The following FAN1 variants were observed in gnomAD, a reference collection of about 807,000 sequenced individuals.
FAN1 encodes fanconi-associated nuclease 1.
FAN1 carries 91 observed loss-of-function variants against 104.9 expected under a neutral mutation model. The ratio of observed to expected loss-of-function variants is 0.87; its 90% CI spans 0.73 to 1.03. The LOEUF (loss-of-function observed/expected upper bound fraction) is 1.03. FAN1 is among the 50% of genes least tolerant of loss of function. The pLI, the probability that FAN1 is intolerant of heterozygous loss-of-function variation, is 0.00. For synonymous variants in FAN1, 478 were observed against 457.6 expected, an observed-to-expected ratio of 1.04 and a Z score of -0.57; for missense variants, 1,263 against 1,239.9, an observed-to-expected ratio of 1.02 and a Z score of -0.28.
chr15:30,904,391 T>C, intron 1 of FAN1, 121 bp from the exon 2 acceptor site: 1 of 539,374 alleles, frequency 1.9e-6, no homozygotes. Context: ...TGGTCTTCTG[T>C]CTCACGCTCA....
intron 12 of FAN1, 24 bp from the exon 13 acceptor site, chr15:30,930,519 A>C (rs748760608): frequency 6.4e-7 from 1 of 1,570,210 alleles, no homozygotes; most frequent in Admixed American, 2.1e-5. Context: ...GGAAGTGGCT[A>C]ACTGTCCTGT....
intron 13 of FAN1, among the ~76,000 whole-genome samples, chr15:30,933,461 T>G (rs1448654730): frequency 3.9e-5 from 6 of 152,240 alleles, no homozygotes; most frequent in Non-Finnish European, 5.9e-5. Context: ...GATTTGTAAT[T>G]TAACTCCATT....
intron 14 of FAN1, chr15:30,940,308 C>G: frequency 1.0e-6 from 1 of 985,408 alleles, no homozygotes; most frequent in Non-Finnish European, 1.2e-6. Flanking sequence ...ATCAAGCAAA[C>G]AACTGTGTCT....
chr15:30,939,688 G>A (rs2140979279), intron 14 of FAN1: 1 of 960,508 alleles, frequency 1.0e-6, no homozygotes, highest in East Asian at 1.2e-4. Flanking sequence ...AATTACAGAG[G>A]GAAAAATGCT....
intron 7 of FAN1, among the ~76,000 whole-genome samples, chr15:30,921,886 T>C (rs2062340034): frequency 6.6e-6 from 1 of 152,168 alleles, no homozygotes; most frequent in Non-Finnish European, 1.5e-5. Flanking sequence ...CCCAGAAGTA[T>C]GTGGGTTTGC....
intron 13 of FAN1, among the ~76,000 whole-genome samples, chr15:30,933,025 T>A (rs573753534): frequency 4.6e-5 from 7 of 152,250 alleles, no homozygotes; most frequent in African/African-American, 1.7e-4. Context: ...CGGCCATGTA[T>A]TTCTTACTGT....
At chr15:30,940,390 G>GTGTT (rs745375495) in intron 14 of FAN1, 5 of 985,316 alleles carry the variant, frequency 5.1e-6, no homozygotes, top group African/African-American at 3.5e-5. Context: ...TCAAATGGCA[G>GTGTT]TGTTTTGAGA....
At chr15:30,934,256 TTAA>T (rs2062793770) in intron 13 of FAN1, among the ~76,000 whole-genome samples, 1 of 152,198 alleles carries the variant, frequency 6.6e-6, no homozygotes, top group African/African-American at 2.4e-5. Flanking sequence ...CTTCTTTTTT[TTAA>T]TGTTAACATG....
intron 8 of FAN1, among the ~76,000 whole-genome samples, chr15:30,923,710 G>C (rs537553975): frequency 6.6e-6 from 1 of 152,212 alleles, no homozygotes; most frequent in African/African-American, 2.4e-5. Context: ...CCAGCGAACA[G>C]GGTGCCCTTC....
Position 30,939,547 on chromosome 15 carries a change from T to C in FAN1, c.*4-2019T>C, listed in dbSNP as rs115233555. 1,025 of 969,790 alleles carry C rather than the reference T, an allele frequency of 1.1e-3. 11 individuals carry two copies. In the African/African-American group the frequency reaches 0.017, roughly 16 times the overall value. The allele number at this position is 969,790 out of a possible 1,614,324, so 60.1% of individuals were successfully genotyped here. The stretch of plus-strand genomic sequence containing the variant: ...CTGTCCAGCAAAAATAAAAGTATTT[T>C]ACATTTGATTATCATACAAAAATAT... On this transcript the variant is annotated intron_variant, in intron 14 of 14. Transcript: ENST00000362065.
At chr15:30,938,196 A>AT (rs1290866154) in intron 14 of FAN1, among the ~76,000 whole-genome samples, 1 of 152,042 alleles carries the variant, frequency 6.6e-6, no homozygotes, top group Non-Finnish European at 1.5e-5. Flanking sequence ...AAAAAAAAAA[A>AT]TTTAAAAACT....
intron 2 of FAN1, chr15:30,906,633 A>G (rs2061985683): frequency 2.4e-6 from 1 of 422,572 alleles, no homozygotes; most frequent in Non-Finnish European, 4.8e-6. Flanking sequence ...AAATGCGGCC[A>G]TGTGTGACTC....
rs147081491 is a variant in FAN1 at position 30,906,043 on chromosome 15, A to G, written c.1234+146A>G. On this transcript the variant is annotated intron_variant, in intron 2 of 14. Coordinates refer to ENST00000362065, the MANE Select transcript of FAN1 (RefSeq NM_014967.5). ...CTGTGGGAGTGTTCATGGGAGTTGG[A>G]GCATAGTCGAAGGTTTTATTGAGAG... 1.4e-3 allele frequency: 1,039 copies of G among 736,928 alleles called. 8 individuals carry two copies. The African/African-American group carries it at 0.016, about 12-fold the overall frequency. 45.6% of individuals were successfully genotyped at this position (736,928 alleles called of 1,614,324 possible). A position where few individuals can be genotyped will look rare whatever the true frequency, so the allele number is the denominator to read the frequency against.
intron 2 of FAN1, chr15:30,906,235 T>C (rs1314699976): frequency 4.6e-6 from 2 of 439,474 alleles, no homozygotes; most frequent in East Asian, 1.1e-4. Context: ...AAGCATACTT[T>C]GCATTTTGAG....
At chr15:30,904,411 C>T (rs1048506875) in intron 1 of FAN1, 101 bp from the exon 2 acceptor site, 4 of 569,624 alleles carry the variant, frequency 7.0e-6, no homozygotes, top group African/African-American at 3.7e-5. Context: ...AGGGTTGTCT[C>T]CTCGTTACAG....
chr15:30,934,451 CTTA>C (rs1286664015), intron 13 of FAN1, among the ~76,000 whole-genome samples: 1 of 152,132 alleles, frequency 6.6e-6, no homozygotes, highest in Admixed American at 6.5e-5. Flanking sequence ...AATCCTGATA[CTTA>C]TTTTCTCTTT....
intron 13 of FAN1, among the ~76,000 whole-genome samples, chr15:30,933,713 GA>G (rs1475149534): frequency 3.3e-5 from 5 of 150,774 alleles, no homozygotes; most frequent in Non-Finnish European, 5.9e-5. Context: ...ATTATTGAGA[GA>G]ATATTGATAT....
Position 30,927,743 on chromosome 15 carries a change from G to A in FAN1, c.2489-810G>A, listed in dbSNP as rs374798286. On this transcript the variant is annotated intron_variant, in intron 10 of 14. Transcript: ENST00000362065. ...CATCCATGTGGCCTCCTCCTCTGTC[G>A]GGAGGGCTGATGTGCAGAGAAGTAC... is the stretch of plus-strand genomic sequence containing the variant. 149 of 985,762 alleles carry A rather than the reference G, an allele frequency of 1.5e-4. 1 individual carries two copies. The Middle Eastern group carries it at 2.1e-3, about 14-fold the overall frequency. 61.1% of individuals were successfully genotyped at this position (985,762 alleles called of 1,614,324 possible). A position where few individuals can be genotyped will look rare whatever the true frequency, so the allele number is the denominator to read the frequency against.
At chr15:30,922,082 T>TC (rs1361041699) in intron 7 of FAN1, among the ~76,000 whole-genome samples, 153 bp from the exon 8 acceptor site, 1 of 152,224 alleles carries the variant, frequency 6.6e-6, no homozygotes, top group African/African-American at 2.4e-5. Context: ...CACCTCAAAG[T>TC]CCCTGTCCTG....
Sources: allele counts gnomAD v4.1 joint callset (sites outside exome capture counted in the v4.1 genomes callset), GRCh38; gene constraint gnomAD v4.1.1; transcripts MANE v1.5; gene names NCBI Gene and HGNC (gene_info 2026-07-23, HGNC 2026-07-21).